Variants in WDR53 observed in about 807,000 individuals in gnomAD.
WDR53 encodes WD repeat-containing protein 53.
WDR53 carries 19 observed loss-of-function variants against 21.3 expected under a neutral mutation model. The ratio of observed to expected loss-of-function variants is 0.89; its 90% CI spans 0.62 to 1.31. The LOEUF (loss-of-function observed/expected upper bound fraction) is 1.31. WDR53 is among the 50% of genes most tolerant of loss of function. WDR53 has a pLI of 0.00. For missense variants in WDR53, 374 were observed against 423.2 expected (o/e 0.88, Z 1.02); for synonymous variants, 157 against 163.4 (o/e 0.96, Z 0.30).
rs765715013 is a variant in WDR53 at position 196,554,252 on chromosome 3, G to A, written c.1036C>T (p.Gln346Ter). 3 of 1,613,536 alleles carry A rather than the reference G, an allele frequency of 1.9e-6. 1 individual carries two copies. The highest frequency in any genetic ancestry group is 1.1e-5 in the South Asian group (1 of 91,024). Reference sequence around the variant, plus strand: ...GGGTATACAGATATACAACTAGTTTGATCAGCTACTAATATATTTTGGTGT... The same window carrying A: ...GGGTATACAGATATACAACTAGTTTAATCAGCTACTAATATATTTTGGTGT... Reference protein sequence around the residue: ...KGHQNILVADQTSCISVYPLN... With the variant: ...KGHQNILVAD The change falls in exon 4 of 4, where the codon CAA becomes TAA. Residue 346 changes from glutamine (Q) to a stop codon, truncating the protein, a stop_gained. Transcript: ENST00000332629. LOFTEE classifies it high-confidence loss of function.
intron 3 of WDR53, among the ~76,000 whole-genome samples, chr3:196,557,163 T>C (rs376758208): frequency 1.3e-5 from 2 of 152,336 alleles, no homozygotes; most frequent in East Asian, 3.9e-4. Context: ...CAGAAGTGAA[T>C]GTAATCATAA....
At chr3:196,561,525 T>C (rs185992510) in intron 2 of WDR53, 34 bp from the exon 3 acceptor site, 2 of 1,545,758 alleles carry the variant, frequency 1.3e-6, no homozygotes, top group East Asian at 2.3e-5. Context: ...TAATCTCATG[T>C]TTTATACATC....
Position 196,554,199 on chromosome 3 carries a change from T to A in WDR53, c.*12A>T, listed in dbSNP as rs769642838. ...CAGTTTTGCCACAATTCTTCAAATG[T>A]TTTTATTGGATTTAAAATTCATTTA... is the stretch of plus-strand genomic sequence containing the variant. On this transcript the variant is annotated 3_prime_UTR_variant, in exon 4 of 4. Coordinates refer to ENST00000332629, the MANE Select transcript of WDR53 (RefSeq NM_182627.3). 1.9e-5 allele frequency: 29 copies of A among 1,528,186 alleles called. No individual in the cohort carries two copies. The highest frequency in any genetic ancestry group is 2.2e-5 in the Non-Finnish European group (25 of 1,129,768). The allele number at this position is 1,528,186 out of a possible 1,614,324, so 94.7% of individuals were successfully genotyped here. A position where few individuals can be genotyped will look rare whatever the true frequency, so the allele number is the denominator to read the frequency against.
chr3:196,561,530 T>C, intron 2 of WDR53, 39 bp from the exon 3 acceptor site: 2 of 1,536,490 alleles, frequency 1.3e-6, no homozygotes, highest in Non-Finnish European at 1.8e-6. Flanking sequence ...TCATGTTTTA[T>C]ACATCGACTT....
rs79842612 is a variant in WDR53, at chr3:196,566,933, C to T, written c.-73G>A. On this transcript the variant is annotated 5_prime_UTR_variant, in exon 2 of 4. Transcript: ENST00000332629. The stretch of plus-strand genomic sequence containing the variant: ...GGTCTGCCGTTGAAAGTCACCTCAG[C>T]GGCTGGACTAGATTAGTAAGAATGA... 0.013 allele frequency: 2,841 copies of T among 216,488 alleles called. 74 individuals are homozygous for T. Among genetic ancestry groups the T allele is most frequent in the African/African-American group, 0.063 (2,700 of 42,724 alleles). 13.4% of individuals were successfully genotyped at this position (216,488 alleles called of 1,614,324 possible).
At chr3:196,560,914 G>C (rs995564366) in intron 3 of WDR53, 82 bp downstream of exon 3, 8 of 1,511,246 alleles carry the variant, frequency 5.3e-6, no homozygotes, top group African/African-American at 1.4e-5. Context: ...AAAAAGCAAA[G>C]ATATTTCGTG....
At chr3:196,556,606 A>C (rs2054748) in intron 3 of WDR53, among the ~76,000 whole-genome samples, 60,751 of 150,126 alleles carry the variant, frequency 0.4, 12,845 homozygotes, top group Middle Eastern at 0.51. Flanking sequence ...CAGTGAGCCG[A>C]GATCACACCA....
chr3:196,557,471 G>A (rs1182509717), intron 3 of WDR53, among the ~76,000 whole-genome samples: 1 of 152,178 alleles, frequency 6.6e-6, no homozygotes, highest in African/African-American at 2.4e-5. Flanking sequence ...ACCTGAGGGA[G>A]TGCGAGGCTG....
At chr3:196,557,412 G>C (rs933812506) in intron 3 of WDR53, among the ~76,000 whole-genome samples, 5 of 152,144 alleles carry the variant, frequency 3.3e-5, no homozygotes, top group Non-Finnish European at 7.3e-5. Flanking sequence ...TGGGTGTGTC[G>C]GCTTGTGCCT....
intron 2 of WDR53, among the ~76,000 whole-genome samples, chr3:196,565,556 G>T (rs1286969949): frequency 6.7e-6 from 1 of 148,242 alleles, no homozygotes; most frequent in African/African-American, 2.5e-5. Flanking sequence ...TGAGAGTCGG[G>T]GTGAGGGGGC....
chr3:196,561,546 G>C, intron 2 of WDR53, 55 bp from the exon 3 acceptor site: 1 of 1,484,038 alleles, frequency 6.7e-7, no homozygotes, highest in Admixed American at 2.3e-5. Context: ...GACTTGATGG[G>C]AGGAGACAGA....
chr3:196,554,208 G>A lies in WDR53; in HGVS notation c.*3C>T, dbSNP rs1451255493. On this transcript the variant is annotated 3_prime_UTR_variant, in exon 4 of 4. Transcript: ENST00000332629. ...CACAATTCTTCAAATGTTTTTATTG[G>A]ATTTAAAATTCATTTAAGGGGTATA... is the stretch of plus-strand genomic sequence containing the variant. 1.3e-6 allele frequency: 2 copies of A among 1,531,396 alleles called. No individual in the cohort carries two copies. The highest frequency in any genetic ancestry group is 4.5e-5 in the East Asian group (2 of 44,172). The allele number at this position is 1,531,396 out of a possible 1,614,324, so 94.9% of individuals were successfully genotyped here.
In WDR53 at chr3:196,555,090, T is replaced by G. The variant is rs1019868667; in HGVS notation, c.481-283A>C. Among the ~76,000 whole-genome samples, 4 of 152,200 alleles carry G rather than the reference T, an allele frequency of 2.6e-5. No individual in the cohort carries two copies. In the South Asian group the frequency reaches 8.3e-4, roughly 31 times the overall value. On this transcript the variant is annotated intron_variant, in intron 3 of 3. Transcript: ENST00000332629. ...TGTAATTGTTAAGCAGCTGCCAGTTTCTAAAGGTTTTTCTGCTCTCATCTC... is the reference window on the plus strand; with the variant it reads ...TGTAATTGTTAAGCAGCTGCCAGTTGCTAAAGGTTTTTCTGCTCTCATCTC...
chr3:196,559,993 G>T (rs1734672879), intron 3 of WDR53, among the ~76,000 whole-genome samples: 1 of 152,170 alleles, frequency 6.6e-6, no homozygotes, highest in Non-Finnish European at 1.5e-5. Context: ...TCACTCCAGT[G>T]ATGAGATTTA....
intron 2 of WDR53, among the ~76,000 whole-genome samples, chr3:196,564,141 C>A (rs1735145065): frequency 6.6e-6 from 1 of 151,932 alleles, no homozygotes; most frequent in Admixed American, 6.6e-5. Context: ...AAACAGGGAG[C>A]CCTGGTGGTT....
At chr3:196,557,899 C>T (rs1368801098) in intron 3 of WDR53, among the ~76,000 whole-genome samples, 5 of 151,366 alleles carry the variant, frequency 3.3e-5, no homozygotes, top group African/African-American at 1.2e-4. Flanking sequence ...CGTCTCAGCC[C>T]CCCAAGTAGC....
At chr3:196,559,590 A>G (rs948725665) in intron 3 of WDR53, among the ~76,000 whole-genome samples, 1 of 152,202 alleles carries the variant, frequency 6.6e-6, no homozygotes, top group South Asian at 2.1e-4. Context: ...GGTGGAAGTC[A>G]TAACTGATGC....
intron 2 of WDR53, among the ~76,000 whole-genome samples, chr3:196,566,416 C>CTTT (rs1330674667): frequency 7.1e-6 from 1 of 140,650 alleles, no homozygotes; most frequent in Non-Finnish European, 1.6e-5. Flanking sequence ...GCATTTTTTT[C>CTTT]TTTTTTTTTT....
At chr3:196,564,395 C>CTTCT (rs140247486) in intron 2 of WDR53, among the ~76,000 whole-genome samples, 54,157 of 135,682 alleles carry the variant, frequency 0.4, 11,455 homozygotes, top group Middle Eastern at 0.5. Flanking sequence ...TTTCTTTTTT[C>CTTCT]TTTTTTTTTT....
Sources: gnomAD v4.1 joint callset for allele counts (sites outside exome capture counted in the v4.1 genomes callset) on GRCh38, gnomAD v4.1.1 for gene constraint, MANE v1.5 for transcripts, NCBI Gene and HGNC (gene_info 2026-07-23, HGNC 2026-07-21) for gene names.